Variants in PXT1 observed in about 807,000 individuals in gnomAD.
The protein encoded by PXT1 is peroxisomal testis enriched protein 1.
PXT1 carries 11 observed loss-of-function variants against 11.0 expected under a neutral mutation model. That is an observed-to-expected ratio of 1.00 (90% CI 0.63 to 1.66). PXT1 has a LOEUF of 1.66. PXT1 is among the 40% of genes most tolerant of loss of function. PXT1 has a pLI of 0.00. For synonymous variants in PXT1, 43 were observed against 51.4 expected, an observed-to-expected ratio of 0.84 and a Z score of 0.70; for missense variants, 141 against 155.5, an observed-to-expected ratio of 0.91 and a Z score of 0.49.
At chr6:36,440,579 A>G (rs980767814) in intron 1 of PXT1, among the ~76,000 whole-genome samples, 7 of 151,846 alleles carry the variant, frequency 4.6e-5, no homozygotes, top group African/African-American at 1.7e-4. Flanking sequence ...ACTGTCTCAA[A>G]AAAAAAAAAA....
intron 2 of PXT1, among the ~76,000 whole-genome samples, chr6:36,433,837 A>AAGAAAG (rs374620584): frequency 9.0e-5 from 12 of 132,864 alleles, no homozygotes; most frequent in South Asian, 7.0e-4. Flanking sequence ...AAAAAAAAAA[A>AAGAAAG]AAAGAAAAGA....
chr6:36,439,963 T>C (rs541851386), intron 1 of PXT1, among the ~76,000 whole-genome samples: 22 of 152,144 alleles, frequency 1.4e-4, no homozygotes, highest in Non-Finnish European at 2.4e-4. Flanking sequence ...CTTGGGGTGG[T>C]GGCCTGCACC....
intron 2 of PXT1, among the ~76,000 whole-genome samples, chr6:36,431,799 G>A (rs1168844741): frequency 6.6e-6 from 1 of 152,006 alleles, no homozygotes; most frequent in African/African-American, 2.4e-5. Flanking sequence ...AACCAGGCGT[G>A]GTGGCTTATG....
intron 3 of PXT1, among the ~76,000 whole-genome samples, chr6:36,421,347 GCTA>G (rs1774522678): frequency 6.6e-6 from 1 of 152,042 alleles, no homozygotes; most frequent in Non-Finnish European, 1.5e-5. Context: ...TATGGTCCCA[GCTA>G]CTTGGGAGGC....
intron 3 of PXT1, among the ~76,000 whole-genome samples, chr6:36,414,722 T>C (rs1774424622): frequency 6.6e-6 from 1 of 152,090 alleles, no homozygotes; most frequent in African/African-American, 2.4e-5. Context: ...AAAAATGAGG[T>C]TGAAAGTACT....
At chr6:36,415,549 G>C (rs1774435670) in intron 3 of PXT1, among the ~76,000 whole-genome samples, 1 of 152,176 alleles carries the variant, frequency 6.6e-6, no homozygotes, top group Non-Finnish European at 1.5e-5. Context: ...GGGATGAATG[G>C]AAATTTTCAT....
chr6:36,412,553 G>A (rs554917395), intron 3 of PXT1, among the ~76,000 whole-genome samples: 6 of 151,998 alleles, frequency 3.9e-5, no homozygotes, highest in Non-Finnish European at 7.4e-5. Context: ...CCAGCTACTC[G>A]GGAGGCTGAG....
intron 3 of PXT1, among the ~76,000 whole-genome samples, chr6:36,418,536 T>G (rs1774482880): frequency 6.6e-6 from 1 of 152,228 alleles, no homozygotes; most frequent in Non-Finnish European, 1.5e-5. Context: ...TCCATGAACC[T>G]GAGTTGCTTT....
At chr6:36,412,169 T>C (rs1477963109) in intron 3 of PXT1, among the ~76,000 whole-genome samples, 2 of 151,092 alleles carry the variant, frequency 1.3e-5, no homozygotes, top group Admixed American at 6.6e-5. Context: ...CTGGCCAACA[T>C]GGTGAAACCC....
intron 4 of PXT1, among the ~76,000 whole-genome samples, chr6:36,399,716 C>T (rs1774188887): frequency 6.6e-6 from 1 of 152,176 alleles, no homozygotes; most frequent in South Asian, 2.1e-4. Context: ...ATCATTCTCT[C>T]CTGCCAAATA....
At chr6:36,406,810 CA>C (rs5875547) in intron 3 of PXT1, among the ~76,000 whole-genome samples, 97,270 of 131,830 alleles carry the variant, frequency 0.74, 35,154 homozygotes, top group Middle Eastern at 0.8. Flanking sequence ...GACTCCATTT[CA>C]AAAAAAAAAA....
intron 1 of PXT1, among the ~76,000 whole-genome samples, chr6:36,439,528 G>T (rs1389832587): frequency 6.6e-6 from 1 of 151,262 alleles, no homozygotes; most frequent in Non-Finnish European, 1.5e-5. Context: ...TAGGATAATC[G>T]CTTGAATCCG....
At chr6:36,432,168 G>A (rs977220347) in intron 2 of PXT1, among the ~76,000 whole-genome samples, 1 of 152,128 alleles carries the variant, frequency 6.6e-6, no homozygotes, top group African/African-American at 2.4e-5. Flanking sequence ...GGTCAGGAAG[G>A]ACTCATCTAG....
In PXT1 at chr6:36,391,518, G is replaced by A; in HGVS notation, c.*252C>T. On this transcript the variant is annotated 3_prime_UTR_variant, in exon 5 of 5. Coordinates refer to ENST00000454782, the MANE Select transcript of PXT1 (RefSeq NM_152990.4). ...GCGCTGGTGTTTTCTGGGCAGCAAG[G>A]CTTCCTGGGGTCCTAATTACTCCTT... 2.1e-6 allele frequency: 1 copy of A among 469,482 alleles called. No individual in the cohort carries two copies. The highest frequency in any genetic ancestry group is 2.5e-5 in the South Asian group (1 of 40,306). The allele number at this position is 469,482 out of a possible 1,614,324, so 29.1% of individuals were successfully genotyped here. A position where few individuals can be genotyped will look rare whatever the true frequency, so the allele number is the denominator to read the frequency against.
At chr6:36,440,147 A>G (rs1774833825) in intron 1 of PXT1, among the ~76,000 whole-genome samples, 3 of 152,212 alleles carry the variant, frequency 2.0e-5, no homozygotes. Context: ...TTCGAGAGAG[A>G]CAGTTCAAAA....
rs150045715 is a variant in PXT1, at chr6:36,400,683, G to C, written c.170-99C>G. ...TAAAAACTGTCTTAGAAAATGAGAG[G>C]GTTGGCCAGATGCAGTGGCTCACGC... On this transcript the variant is annotated intron_variant, in intron 3 of 4. Transcript: ENST00000454782. 1.7e-3 allele frequency: 2,264 copies of C among 1,323,052 alleles called. 31 individuals carry two copies. The African/African-American group carries it at 0.03, about 18-fold the overall frequency. 82.0% of individuals were successfully genotyped at this position (1,323,052 alleles called of 1,614,324 possible). A position where few individuals can be genotyped will look rare whatever the true frequency, so the allele number is the denominator to read the frequency against.
rs981178452 is a variant in PXT1 at position 36,424,019 on chromosome 6, T to C, written c.169+1895A>G. Among the ~76,000 whole-genome samples the C allele has an allele frequency of 2.6e-5, 4 of 152,172 alleles. No homozygotes were observed. The East Asian group carries it at 7.7e-4, about 29-fold the overall frequency. On this transcript the variant is annotated intron_variant, in intron 3 of 4. Coordinates refer to ENST00000454782, the MANE Select transcript of PXT1 (RefSeq NM_152990.4). Reference sequence around the variant, plus strand: ...CTCTTCTTTTGAAGTGAAACTGTAATTAGGAAAGCATTTGAGGCAAAAGTA... The same window carrying C: ...CTCTTCTTTTGAAGTGAAACTGTAACTAGGAAAGCATTTGAGGCAAAAGTA...
At position 36,391,554 on chromosome 6, in the gene PXT1, G is replaced by A. The variant is rs572691340; in HGVS notation, c.*216C>T. ...TCCTAATTACTCCTTGGGCTTTACC[G>A]TGATGTGATCGCAGACATCTCATAG... On this transcript the variant is annotated 3_prime_UTR_variant, in exon 5 of 5. Coordinates refer to ENST00000454782, the MANE Select transcript of PXT1 (RefSeq NM_152990.4). 16 of 559,822 alleles carry A rather than the reference G, an allele frequency of 2.9e-5. No homozygotes were observed. The highest frequency in any genetic ancestry group is 1.9e-4 in the South Asian group (9 of 47,950). 34.7% of individuals were successfully genotyped at this position (559,822 alleles called of 1,614,324 possible).
At chr6:36,430,833 C>T (rs1774681749) in intron 2 of PXT1, among the ~76,000 whole-genome samples, 1 of 152,056 alleles carries the variant, frequency 6.6e-6, no homozygotes, top group Non-Finnish European at 1.5e-5. Context: ...CTCGCTCTGT[C>T]ACCCAGGCTG....
Sources: allele counts gnomAD v4.1 joint callset (sites outside exome capture counted in the v4.1 genomes callset), GRCh38; gene constraint gnomAD v4.1.1; transcripts MANE v1.5; gene names NCBI Gene and HGNC (gene_info 2026-07-23, HGNC 2026-07-21).